Variants in ARID5B observed in about 807,000 individuals in gnomAD.
The protein encoded by ARID5B is AT-rich interactive domain-containing protein 5B.
A neutral mutation model predicts 97.2 loss-of-function variants in ARID5B; 13 were observed. The ratio of observed to expected loss-of-function variants is 0.13; its 90% CI spans 0.09 to 0.21. ARID5B has a LOEUF of 0.21. Among genes scored for constraint, ARID5B ranks in the 10% least tolerant of loss-of-function variants. The pLI, the probability that ARID5B is intolerant of heterozygous loss-of-function variation, is 1.00. For synonymous variants in ARID5B, 556 were observed against 570.3 expected (o/e 0.97, Z 0.36); for missense variants, 1,210 against 1,465.3 (o/e 0.83, Z 2.84).
At chr10:62,025,644 A>AG (rs1371378425) in intron 4 of ARID5B, among the ~76,000 whole-genome samples, 2 of 152,210 alleles carry the variant, frequency 1.3e-5, no homozygotes, top group Admixed American at 1.3e-4. Context: ...AGGTGTAATT[A>AG]GAAAAACATG....
In ARID5B at chr10:62,093,034, C is replaced by G; in HGVS notation, c.*4C>G. 6.3e-7 allele frequency: 1 copy of G among 1,597,482 alleles called. No homozygotes were observed. The highest frequency in any genetic ancestry group is 8.5e-7 in the Non-Finnish European group (1 of 1,174,982). ...GCACCCCAGTACAAAACTGTAGGCT[C>G]AGCTCTGCCCAGCAGTCCAAAGCGG... On this transcript the variant is annotated 3_prime_UTR_variant, in exon 10 of 10. Coordinates refer to ENST00000279873, the MANE Select transcript of ARID5B (RefSeq NM_032199.3).
chr10:61,913,998 G>T (rs939106549), intron 2 of ARID5B, among the ~76,000 whole-genome samples: 4 of 152,262 alleles, frequency 2.6e-5, no homozygotes, highest in Non-Finnish European at 4.4e-5. Flanking sequence ...TGATCCACCC[G>T]CCTCAGCCTC....
rs548663684 is a variant in ARID5B, at chr10:62,011,297, C to A, written c.733+10976C>A. Among the ~76,000 whole-genome samples, 56 of 152,320 alleles carry A rather than the reference C, an allele frequency of 3.7e-4. No individual in the cohort carries two copies. In the South Asian group the frequency reaches 0.01, roughly 28 times the overall value. ...GACTTTATCAAGGAGCTGAGTCCCG[C>A]TTCATTTCCAGGACATACCCCTTCA... On this transcript the variant is annotated intron_variant, in intron 4 of 9. Coordinates refer to ENST00000279873, the MANE Select transcript of ARID5B (RefSeq NM_032199.3).
intron 7 of ARID5B, among the ~76,000 whole-genome samples, chr10:62,069,246 G>A (rs1840030748): frequency 6.6e-6 from 1 of 152,208 alleles, no homozygotes; most frequent in Admixed American, 6.5e-5. Context: ...AGCATGTTTG[G>A]TAAAAGACTC....
At chr10:61,993,433 C>T (rs966085367) in intron 3 of ARID5B, among the ~76,000 whole-genome samples, 1 of 152,064 alleles carries the variant, frequency 6.6e-6, no homozygotes, top group African/African-American at 2.4e-5. Flanking sequence ...GTATAATGTC[C>T]TGTAATTAGA....
At position 62,096,041 on chromosome 10, in the gene ARID5B, A is replaced by C. The variant is rs1840464557; in HGVS notation, c.*3011A>C. 4.3e-6 allele frequency: 1 copy of C among 233,198 alleles called. No individual in the cohort carries two copies. The highest frequency in any genetic ancestry group is 1.8e-4 in the South Asian group (1 of 5,536). The allele number at this position is 233,198 out of a possible 1,614,324, so 14.4% of individuals were successfully genotyped here. On this transcript the variant is annotated 3_prime_UTR_variant, in exon 10 of 10. Coordinates refer to ENST00000279873, the MANE Select transcript of ARID5B (RefSeq NM_032199.3). ...TGTTTGGCAACTCCACATGATAAAA[A>C]AATAAAAACAGCCCAACCGAGTTTC...
At position 62,000,893 on chromosome 10, in the gene ARID5B, A is replaced by G. The variant is rs760341338; in HGVS notation, c.733+572A>G. ...GATAGATGATAGGTGATAGATATCC[A>G]TGTCCTGAATTTTTTCATACACTCA... On this transcript the variant is annotated intron_variant, in intron 4 of 9. Transcript: ENST00000279873. The surrounding 1 kb of genome is among the most constrained non-coding windows in gnomAD (Gnocchi z 4.4). Among the ~76,000 whole-genome samples, 3 of 151,842 alleles carry G rather than the reference A, an allele frequency of 2.0e-5. No homozygotes were observed. Among genetic ancestry groups the G allele is most frequent in the Admixed American group, 6.6e-5 (1 of 15,240 alleles).
intron 4 of ARID5B, among the ~76,000 whole-genome samples, chr10:62,021,834 A>G (rs1426486280): frequency 2.6e-5 from 4 of 152,234 alleles, no homozygotes; most frequent in Non-Finnish European, 4.4e-5. Flanking sequence ...GTTAGTCCAT[A>G]TATTTTATAG....
chr10:62,066,310 T>A (rs554769088), intron 7 of ARID5B, among the ~76,000 whole-genome samples: 1 of 152,254 alleles, frequency 6.6e-6, no homozygotes, highest in African/African-American at 2.4e-5. Flanking sequence ...TTGAATTACA[T>A]CTAGAGACCA....
chr10:62,045,858 T>C (rs4948496), intron 4 of ARID5B, among the ~76,000 whole-genome samples: 84,127 of 152,106 alleles, frequency 0.55, 23,966 homozygotes, highest in African/African-American at 0.66. Context: ...CCTAATACTG[T>C]GATCAGTGGA....
intron 3 of ARID5B, among the ~76,000 whole-genome samples, chr10:61,994,258 T>C (rs1050850798): frequency 5.9e-5 from 9 of 152,006 alleles, no homozygotes; most frequent in Admixed American, 4.6e-4. Context: ...TTTTAAAAGA[T>C]TTTTTTTAAA....
At chr10:61,937,940 T>A (rs1844335268) in intron 2 of ARID5B, among the ~76,000 whole-genome samples, 1 of 152,202 alleles carries the variant, frequency 6.6e-6, no homozygotes, top group African/African-American at 2.4e-5. Context: ...CTATGGCATT[T>A]GACAATGTTG....
At chr10:61,993,786 T>G (rs1394543108) in intron 3 of ARID5B, among the ~76,000 whole-genome samples, 2 of 152,212 alleles carry the variant, frequency 1.3e-5, no homozygotes, top group South Asian at 4.1e-4. Flanking sequence ...AAGTTGATGC[T>G]TTGCCGTTGG....
intron 5 of ARID5B, among the ~76,000 whole-genome samples, chr10:62,052,502 G>C (rs1839803193): frequency 6.6e-6 from 1 of 152,156 alleles, no homozygotes; most frequent in Non-Finnish European, 1.5e-5. Flanking sequence ...AGCATATTCT[G>C]TACCTGAGCC....
Position 61,901,742 on chromosome 10 carries a change from T to C in ARID5B, c.21+12T>C. ...CCAACTCACTCCAGGTATTTCGCTC[T>C]CCTCCGCTCCTCCGATCCCGGCACC... On this transcript the variant is annotated intron_variant, in intron 1 of 9. Transcript: ENST00000279873. 6.2e-7 allele frequency: 1 copy of C among 1,613,168 alleles called. No homozygotes were observed. Among genetic ancestry groups the C allele is most frequent in the African/African-American group, 1.3e-5 (1 of 74,904 alleles).
At chr10:61,936,890 A>G (rs904187075) in intron 2 of ARID5B, among the ~76,000 whole-genome samples, 18 of 144,902 alleles carry the variant, frequency 1.2e-4, no homozygotes, top group Admixed American at 1.0e-3. Context: ...TTGAAGTACA[A>G]GGAGGCTGAA....
intron 4 of ARID5B, among the ~76,000 whole-genome samples, chr10:62,042,767 TA>T (rs1839655249): frequency 6.6e-6 from 1 of 151,628 alleles, no homozygotes; most frequent in Non-Finnish European, 1.5e-5. Flanking sequence ...AAAAAAAAAT[TA>T]GCTGGGCTTG....
chr10:62,004,513 T>C (rs1484871113), intron 4 of ARID5B, among the ~76,000 whole-genome samples: 3 of 152,232 alleles, frequency 2.0e-5, no homozygotes, highest in Non-Finnish European at 2.9e-5. Flanking sequence ...AATTTTTTCT[T>C]CATAAGAATC....
chr10:61,906,783 T>A (rs111773980), intron 2 of ARID5B, among the ~76,000 whole-genome samples: 1 of 152,224 alleles, frequency 6.6e-6, no homozygotes, highest in Non-Finnish European at 1.5e-5. Context: ...GAGTCTGAAT[T>A]TTAAATATTT....
Sources: gnomAD v4.1 joint callset for allele counts (sites outside exome capture counted in the v4.1 genomes callset) on GRCh38, gnomAD v4.1.1 for gene constraint, Gnocchi (gnomAD v3.1) non-coding constraint, MANE v1.5 for transcripts, NCBI Gene and HGNC (gene_info 2026-07-23, HGNC 2026-07-21) for gene names.